The following ADPRHL1 variants were observed in gnomAD, a reference collection of about 807,000 sequenced individuals.
ADPRHL1 encodes inactive ADP-ribosyltransferase ARH2.
In ADPRHL1, 43 loss-of-function variants were observed where a neutral mutation model predicts 44.1. That is an observed-to-expected ratio of 0.98 (90% CI 0.76 to 1.26). The LOEUF (loss-of-function observed/expected upper bound fraction) is 1.26. ADPRHL1 is among the 50% of genes most tolerant of loss of function. The pLI is 0.00. For synonymous variants in ADPRHL1, 878 were observed against 1,017.4 expected (o/e 0.86, Z 2.61); for missense variants, 2,022 against 2,496.9 (o/e 0.81, Z 4.05).
rs2043988969 is a variant in ADPRHL1 at position 113,429,101 on chromosome 13, C to T, written c.506-9G>A. ...CAGGGAGCCCAGGAAGCCTGGAGGG[C>T]AGGGAAGAGAGAGGGGGCACCATCA... is the stretch of plus-strand genomic sequence containing the variant. On this transcript the variant is annotated splice_polypyrimidine_tract_variant and intron_variant, in intron 3 of 7. Coordinates refer to ENST00000612156, the MANE Select transcript of ADPRHL1 (RefSeq NM_001394807.1). 1.3e-6 allele frequency: 2 copies of T among 1,586,110 alleles called. No individual in the cohort carries two copies. Among genetic ancestry groups the T allele is most frequent in the South Asian group, 1.1e-5 (1 of 89,838 alleles).
In ADPRHL1 at chr13:113,453,399, G is replaced by A. The variant is rs761459196; in HGVS notation, c.39C>T (p.Val13=). ...CATTTCTGTAGCCAAGAGCATCGCC[G>A]ACGCTCCCCAGCAACATCGCAGCCT... is the stretch of plus-strand genomic sequence containing the variant. ...KFKAAMLLGS[V]GDALGYRNVC... Residue 13 remains valine, a synonymous_variant, in exon 1 of 8, where the codon GTC becomes GTT. Coordinates refer to ENST00000612156, the MANE Select transcript of ADPRHL1 (RefSeq NM_001394807.1). This position sits in a 1 kb window ranked among gnomAD's most constrained non-coding sequence, Gnocchi z 5.4. 27 of 1,614,024 alleles carry A rather than the reference G, an allele frequency of 1.7e-5. No individual in the cohort carries two copies. Among genetic ancestry groups the A allele is most frequent in the Middle Eastern group, 1.6e-4 (1 of 6,084 alleles).
Position 113,399,857 on chromosome 13 carries a change from C to T in ADPRHL1, c.*3521G>A, listed in dbSNP as rs2043743085. 1 of 151,924 alleles carries T rather than the reference C, an allele frequency of 6.6e-6. No homozygotes were observed. The highest frequency in any genetic ancestry group is 1.5e-5 in the Non-Finnish European group (1 of 67,942). 9.4% of individuals were successfully genotyped at this position (151,924 alleles called of 1,614,324 possible). A position where few individuals can be genotyped will look rare whatever the true frequency, so the allele number is the denominator to read the frequency against. ...CTGAGAACAGAATAAGGAGGTGGTGCTGAGCGTGTAAAATCCCAGACAACG... is the reference window on the plus strand; with the variant it reads ...CTGAGAACAGAATAAGGAGGTGGTGTTGAGCGTGTAAAATCCCAGACAACG... On this transcript the variant is annotated 3_prime_UTR_variant, in exon 8 of 8. Transcript: ENST00000612156.
At position 113,407,107 on chromosome 13, in the gene ADPRHL1, G is replaced by C; in HGVS notation, c.2175C>G (p.Ser725=). ...CCCAAGGGCTGGCCGGTCCCAGTGG[G>C]GATGATGCAGGCACAAGGCCAGGAA... ...GVLPGLVPAS[S]PLGPASPWGT... is the part of the protein sequence containing the mutation. Residue 725 remains serine (S), a synonymous_variant, in exon 8 of 8, where the codon TCC becomes TCG. Coordinates refer to ENST00000612156, the MANE Select transcript of ADPRHL1 (RefSeq NM_001394807.1). 8.1e-7 allele frequency: 1 copy of C among 1,232,310 alleles called. No individual in the cohort carries two copies. Among genetic ancestry groups the C allele is most frequent in the Non-Finnish European group, 1.0e-6 (1 of 988,100 alleles). 76.3% of individuals were successfully genotyped at this position (1,232,310 alleles called of 1,614,324 possible). A position where few individuals can be genotyped will look rare whatever the true frequency, so the allele number is the denominator to read the frequency against.
In ADPRHL1 at chr13:113,425,139, T is replaced by C. The variant is rs942401947; in HGVS notation, c.687A>G (p.Gln229=). ...TGATTTTCCTCTCCTCCAAATAAAATTGCCATTTAGCTTCAAAGTAAAACC... is the reference window on the plus strand; with the variant it reads ...TGATTTTCCTCTCCTCCAAATAAAACTGCCATTTAGCTTCAAAGTAAAACC... ...EHWFYFEAKW[Q]FYLEERKISK... is the part of the protein sequence containing the mutation. The change falls in exon 5 of 8, where the codon CAA becomes CAG. Residue 229 remains glutamine (Q), a synonymous_variant. Transcript: ENST00000612156. 7.4e-6 allele frequency: 12 copies of C among 1,613,332 alleles called. No individual in the cohort carries two copies. The African/African-American group carries it at 1.3e-4, about 18-fold the overall frequency.
chr13:113,438,916 T>A (rs753536977), intron 2 of ADPRHL1, among the ~76,000 whole-genome samples: 2 of 152,242 alleles, frequency 1.3e-5, no homozygotes, highest in Non-Finnish European at 2.9e-5. Context: ...TTATCAGATA[T>A]CTGCTTTGCA....
At position 113,407,633 on chromosome 13, in the gene ADPRHL1, T is replaced by C. The variant is rs2043819004; in HGVS notation, c.1649A>G (p.Lys550Arg). Residue 550 changes from lysine (K) to arginine (R), a missense_variant, in exon 8 of 8, where the codon AAG becomes AGG. Physicochemically the swap from Lys to Arg is conservative, Grantham distance 26 (BLOSUM62 2). This residue lies in a region of ADPRHL1 where 1,221 missense variants were observed against 1,517.8 expected (regional missense o/e 0.80). Transcript: ENST00000612156. The stretch of plus-strand genomic sequence containing the variant: ...GTTCTGCTCGAACTTCTCCCGCAGC[T>C]TGGACAGCACCGAGCTCTTGCCCAT... ...KIMGKSSVLSKLREKFEQNSC... is the reference protein window; with the variant it reads ...KIMGKSSVLSRLREKFEQNSC... 8.1e-7 allele frequency: 1 copy of C among 1,231,970 alleles called. No individual in the cohort carries two copies. The highest frequency in any genetic ancestry group is 4.1e-5 in the South Asian group (1 of 24,326). The allele number at this position is 1,231,970 out of a possible 1,614,324, so 76.3% of individuals were successfully genotyped here.
chr13:113,451,276 T>A (rs537892343), intron 1 of ADPRHL1, among the ~76,000 whole-genome samples: 1 of 152,364 alleles, frequency 6.6e-6, no homozygotes, highest in Non-Finnish European at 1.5e-5. Flanking sequence ...TCATATATAA[T>A]CATATCTAAG....
At position 113,402,200 on chromosome 13, in the gene ADPRHL1, G is replaced by A. The variant is rs2043767349; in HGVS notation, c.*1178C>T. 2.6e-5 allele frequency: 4 copies of A among 152,300 alleles called. No individual in the cohort carries two copies. Among genetic ancestry groups the A allele is most frequent in the African/African-American group, 9.6e-5 (4 of 41,482 alleles). 9.4% of individuals were successfully genotyped at this position (152,300 alleles called of 1,614,324 possible). On this transcript the variant is annotated 3_prime_UTR_variant, in exon 8 of 8. Transcript: ENST00000612156. ...GCTCCGGGGCCACTCAGGCAGCCGT[G>A]TGGCCTCACGGGTCCGGGTTTCAGA...
At chr13:113,420,000 T>G (rs367761750) in intron 7 of ADPRHL1, among the ~76,000 whole-genome samples, 110 of 151,092 alleles carry the variant, frequency 7.3e-4, no homozygotes, top group African/African-American at 2.5e-3. Context: ...GCTCGGGGGG[T>G]GTGTGAGGAG....
chr13:113,419,276 T>C (rs1174146476), intron 7 of ADPRHL1, among the ~76,000 whole-genome samples: 1 of 95,614 alleles, frequency 1.0e-5, no homozygotes, highest in Non-Finnish European at 2.1e-5. Flanking sequence ...CAGCTAATTT[T>C]TGTATTTTTT....
chr13:113,435,267 G>A (rs374284376), intron 2 of ADPRHL1, among the ~76,000 whole-genome samples: 10 of 44,010 alleles, frequency 2.3e-4, no homozygotes, highest in South Asian at 1.4e-3. Context: ...CCCGGGACCC[G>A]GCACCCACGC....
intron 7 of ADPRHL1, among the ~76,000 whole-genome samples, chr13:113,415,111 T>C (rs986395031): frequency 2.6e-5 from 4 of 152,102 alleles, no homozygotes; most frequent in Admixed American, 6.5e-5. Flanking sequence ...GAGGGGCCGT[T>C]TGGCAGCTGC....
intron 7 of ADPRHL1, 55 bp downstream of exon 7, chr13:113,422,771 C>A (rs118130529): frequency 0.01 from 16,816 of 1,604,212 alleles, 117 homozygotes; most frequent in South Asian, 0.017. Flanking sequence ...GAGGGCCCTA[C>A]GGGCCCCGGG....
At chr13:113,435,419 G>A (rs1398835310) in intron 2 of ADPRHL1, among the ~76,000 whole-genome samples, 17 of 135,664 alleles carry the variant, frequency 1.3e-4, no homozygotes, top group African/African-American at 4.7e-4. Flanking sequence ...GTGAACACAG[G>A]TGTACCCCGG....
At chr13:113,446,759 G>A (rs760335331) in intron 1 of ADPRHL1, among the ~76,000 whole-genome samples, 17 of 152,012 alleles carry the variant, frequency 1.1e-4, no homozygotes, top group Non-Finnish European at 1.8e-4. Context: ...GTGTTTACAT[G>A]CACCGTGTTG....
rs1482455595 is a variant in ADPRHL1 at position 113,402,783 on chromosome 13, A to C, written c.*595T>G. On this transcript the variant is annotated 3_prime_UTR_variant, in exon 8 of 8. Transcript: ENST00000612156. ...CCCCACACCCTCTGGTGACCACCAC[A>C]TGGCCCAGCAGCCACACAGCACCCG... 1 of 152,364 alleles carries C rather than the reference A, an allele frequency of 6.6e-6. No individual in the cohort carries two copies. Among genetic ancestry groups the C allele is most frequent in the Non-Finnish European group, 1.5e-5 (1 of 68,188 alleles). 9.4% of individuals were successfully genotyped at this position (152,364 alleles called of 1,614,324 possible). A position where few individuals can be genotyped will look rare whatever the true frequency, so the allele number is the denominator to read the frequency against.
intron 4 of ADPRHL1, among the ~76,000 whole-genome samples, chr13:113,427,653 G>A (rs992277602): frequency 7.2e-5 from 11 of 152,036 alleles, no homozygotes; most frequent in African/African-American, 2.4e-4. Context: ...CACACCAAAC[G>A]GTAAGAGAGA....
intron 7 of ADPRHL1, among the ~76,000 whole-genome samples, chr13:113,411,699 T>C (rs1160808019): frequency 1.3e-5 from 2 of 152,244 alleles, no homozygotes; most frequent in South Asian, 2.1e-4. Flanking sequence ...CAAAGTCCTC[T>C]TTGGGGTGAG....
chr13:113,433,656 C>G (rs968910511), intron 3 of ADPRHL1, 86 bp downstream of exon 3: 19 of 1,459,868 alleles, frequency 1.3e-5, no homozygotes, highest in Non-Finnish European at 1.7e-5. Context: ...CCCCGCCCCC[C>G]ACCCCACACT....
Sources: gnomAD v4.1 joint callset for allele counts (sites outside exome capture counted in the v4.1 genomes callset) on GRCh38, gnomAD v4.1.1 for gene constraint, gnomAD v4.1.1 regional missense constraint, Gnocchi (gnomAD v3.1) non-coding constraint, MANE v1.5 for transcripts, NCBI Gene and HGNC (gene_info 2026-07-23, HGNC 2026-07-21) for gene names.